Variants in GRM8 observed in about 807,000 individuals in gnomAD.
The protein encoded by GRM8 is metabotropic glutamate receptor 8.
A neutral mutation model predicts 87.2 loss-of-function variants in GRM8; 47 were observed. That is an observed-to-expected ratio of 0.54 (90% CI 0.43 to 0.69). GRM8 has a LOEUF of 0.69. GRM8 is among the 30% of genes least tolerant of loss of function. The pLI, the probability that GRM8 is intolerant of heterozygous loss-of-function variation, is 0.00. For synonymous variants in GRM8, 396 were observed against 404.5 expected, an observed-to-expected ratio of 0.98 and a Z score of 0.25; for missense variants, 1,019 against 1,139.2, an observed-to-expected ratio of 0.89 and a Z score of 1.52.
intron 3 of GRM8, among the ~76,000 whole-genome samples, chr7:127,058,540 A>G (rs1267588372): frequency 6.6e-6 from 1 of 152,204 alleles, no homozygotes; most frequent in Non-Finnish European, 1.5e-5. Flanking sequence ...GGCTGGTGAA[A>G]AAAAAAATTA....
Position 127,226,471 on chromosome 7 carries a change from T to C in GRM8, c.510+16224A>G, listed in dbSNP as rs543362239. On this transcript the variant is annotated intron_variant, in intron 2 of 10. Coordinates refer to ENST00000339582, the MANE Select transcript of GRM8 (RefSeq NM_000845.3). ...AGTTCTGATCTGTACCTGAGATTCT[T>C]AAGAGGTATATTTGCAGACAAAACC... Among the ~76,000 whole-genome samples the C allele has an allele frequency of 3.9e-5, 6 of 152,318 alleles. No individual in the cohort carries two copies. In the South Asian group the frequency reaches 1.0e-3, roughly 26 times the overall value.
chr7:127,035,152 G>A (rs1817736321), intron 3 of GRM8, among the ~76,000 whole-genome samples: 2 of 152,136 alleles, frequency 1.3e-5, no homozygotes, highest in African/African-American at 4.8e-5. Context: ...GACAACGAAT[G>A]ATACTCCATA....
intron 7 of GRM8, among the ~76,000 whole-genome samples, chr7:126,731,695 A>C (rs1007664197): frequency 2.6e-5 from 4 of 152,070 alleles, no homozygotes; most frequent in Non-Finnish European, 4.4e-5. Context: ...CAGCACATGC[A>C]CAATTATTAC....
chr7:126,474,315 C>A (rs1413953295), intron 9 of GRM8, among the ~76,000 whole-genome samples: 1 of 152,096 alleles, frequency 6.6e-6, no homozygotes, highest in South Asian at 2.1e-4. Context: ...GTCACCCAGC[C>A]TAGAGTGCAG....
chr7:126,913,502 T>C (rs1285328332), intron 3 of GRM8, among the ~76,000 whole-genome samples: 1 of 152,212 alleles, frequency 6.6e-6, no homozygotes, highest in Non-Finnish European at 1.5e-5. Flanking sequence ...ATACAGCCCA[T>C]CCACCATTAT....
At chr7:126,768,936 A>T (rs1432600443) in intron 7 of GRM8, among the ~76,000 whole-genome samples, 1 of 149,992 alleles carries the variant, frequency 6.7e-6, no homozygotes, top group East Asian at 1.9e-4. Flanking sequence ...GCAAAAAAAA[A>T]AAAAATAAAG....
chr7:126,454,692 G>A (rs1169991572), intron 9 of GRM8, among the ~76,000 whole-genome samples: 1 of 151,374 alleles, frequency 6.6e-6, no homozygotes, highest in Non-Finnish European at 1.5e-5. Flanking sequence ...CATTTTGGTG[G>A]TCCCTAATCC....
intron 6 of GRM8, among the ~76,000 whole-genome samples, chr7:126,894,427 G>C (rs1006286074): frequency 5.1e-4 from 78 of 151,990 alleles, no homozygotes; most frequent in African/African-American, 1.8e-3. Context: ...GATAATGCCA[G>C]CTTCTGTTGT....
chr7:127,038,334 A>G (rs1176678806), intron 3 of GRM8, among the ~76,000 whole-genome samples: 1 of 152,244 alleles, frequency 6.6e-6, no homozygotes, highest in Non-Finnish European at 1.5e-5. Flanking sequence ...CACATGATTT[A>G]TAGAAAAATA....
intron 7 of GRM8, among the ~76,000 whole-genome samples, chr7:126,626,873 T>C (rs1237576405): frequency 6.6e-6 from 1 of 152,142 alleles, no homozygotes; most frequent in Admixed American, 6.6e-5. Flanking sequence ...ATTTTTAAAA[T>C]GTAGAACCGT....
chr7:126,534,740 T>C (rs1257869696), intron 8 of GRM8, among the ~76,000 whole-genome samples: 2 of 152,234 alleles, frequency 1.3e-5, no homozygotes, highest in African/African-American at 4.8e-5. Context: ...TTTAATTTGC[T>C]TTTCTTATTA....
chr7:126,479,226 C>T (rs2150586172), intron 9 of GRM8, among the ~76,000 whole-genome samples: 1 of 152,184 alleles, frequency 6.6e-6, no homozygotes, highest in Admixed American at 6.5e-5. Context: ...TGCATTAAGA[C>T]ATTTTTAAAT....
chr7:126,770,320 C>A (rs1039719811), intron 6 of GRM8, among the ~76,000 whole-genome samples: 2 of 152,000 alleles, frequency 1.3e-5, no homozygotes, highest in African/African-American at 4.8e-5. Flanking sequence ...TATCTTTTTT[C>A]CACCTTATTG....
rs1205778363 is a variant in GRM8, at chr7:126,765,242, GCAGACAGA to G, written c.1357+4615_1357+4622del. On this transcript the variant is annotated intron_variant, in intron 7 of 10. Transcript: ENST00000339582. ...ACCAATATAAAGAGAAACAGATAAAGCAGACAGACAGAAAGACAGAGATGCTTTTTTTT... is the reference window on the plus strand; with the variant it reads ...ACCAATATAAAGAGAAACAGATAAAGCAGAAAGACAGAGATGCTTTTTTTT... Among the ~76,000 whole-genome samples, 48 of 152,182 alleles carry G rather than the reference GCAGACAGA, an allele frequency of 3.2e-4. 1 individual carries two copies. The East Asian group carries it at 8.7e-3, about 28-fold the overall frequency.
At position 127,108,853 on chromosome 7, in the gene GRM8, C is replaced by T. The variant is rs28479144; in HGVS notation, c.511-2141G>A. On this transcript the variant is annotated intron_variant, in intron 2 of 10. Transcript: ENST00000339582. ...CTTGAAGAGTTTTCTCTTTGCAGAT[C>T]AATGTGTGGGAAAGCAATGCAAGAG... 1.4e-3 allele frequency among the ~76,000 whole-genome samples: 214 copies of T among 152,260 alleles called. 2 individuals are homozygous for T. Among genetic ancestry groups the T allele is most frequent in the African/African-American group, 5.0e-3 (206 of 41,550 alleles).
intron 8 of GRM8, among the ~76,000 whole-genome samples, chr7:126,597,751 C>T (rs1797350343): frequency 6.6e-6 from 1 of 151,972 alleles, no homozygotes; most frequent in Non-Finnish European, 1.5e-5. Flanking sequence ...CTTTGATTTT[C>T]CTTTTCCAAT....
chr7:126,751,257 T>C (rs1490284495), intron 7 of GRM8, among the ~76,000 whole-genome samples: 1 of 151,644 alleles, frequency 6.6e-6, no homozygotes, highest in Non-Finnish European at 1.5e-5. Context: ...AACAGAAGAG[T>C]CATTTTCTGT....
At chr7:126,589,871 C>T (rs1448714056) in intron 8 of GRM8, among the ~76,000 whole-genome samples, 1 of 152,236 alleles carries the variant, frequency 6.6e-6, no homozygotes, top group Non-Finnish European at 1.5e-5. Context: ...ACAAAACAGT[C>T]TGAACAGAAG....
intron 7 of GRM8, among the ~76,000 whole-genome samples, chr7:126,727,704 TACACACACACACACAC>T (rs3038844): frequency 7.1e-6 from 1 of 141,772 alleles, no homozygotes; most frequent in African/African-American, 2.6e-5. Context: ...TCTGAAATCA[TACACACACACACACAC>T]ACACACACAC....
Sources: gnomAD v4.1 joint callset for allele counts (sites outside exome capture counted in the v4.1 genomes callset) on GRCh38, gnomAD v4.1.1 for gene constraint, MANE v1.5 for transcripts, NCBI Gene and HGNC (gene_info 2026-07-23, HGNC 2026-07-21) for gene names.